TMEM179: variants seen among roughly 807,000 people sequenced by gnomAD.
TMEM179 encodes transmembrane protein 179A.
A neutral mutation model predicts 22.2 loss-of-function variants in TMEM179; 17 were observed. The ratio of observed to expected loss-of-function variants is 0.77; its 90% confidence interval spans 0.52 to 1.15. The LOEUF (loss-of-function observed/expected upper bound fraction) is 1.15. Among genes scored for constraint, TMEM179 ranks in the 50% most tolerant of loss-of-function variants. The probability of loss-of-function intolerance (pLI) is 0.00; values close to 1 mark genes in which losing one functional copy is unlikely to be tolerated. For synonymous variants in TMEM179, 127 were observed against 140.5 expected, an observed-to-expected ratio of 0.90 and a Z score of 0.68; for missense variants, 265 against 313.6, an observed-to-expected ratio of 0.84 and a Z score of 1.17.
chr14:104,603,445 C>G (rs1267721511), intron 1 of TMEM179, among the ~76,000 whole-genome samples: 1 of 151,354 alleles, frequency 6.6e-6, no homozygotes, highest in Non-Finnish European at 1.5e-5. Flanking sequence ...GGATCTCGGG[C>G]TGCTCCTGGG....
intron 3 of TMEM179, chr14:104,594,381 G>C: frequency 2.4e-6 from 3 of 1,231,750 alleles, no homozygotes; most frequent in Non-Finnish European, 3.0e-6. Flanking sequence ...GCCAGCCTGG[G>C]GTCCGGAATT....
intron 2 of TMEM179, among the ~76,000 whole-genome samples, chr14:104,596,729 G>A (rs760532425): frequency 9.2e-5 from 14 of 152,162 alleles, no homozygotes; most frequent in African/African-American, 1.4e-4. Context: ...ACCCCCAGCT[G>A]TATCCAGCCC....
intron 1 of TMEM179, among the ~76,000 whole-genome samples, chr14:104,600,341 G>A (rs1182596107): frequency 6.6e-6 from 1 of 152,234 alleles, no homozygotes; most frequent in Non-Finnish European, 1.5e-5. Flanking sequence ...GCCAGGATGT[G>A]CCATCTCCAT....
In TMEM179 at chr14:104,590,897, G is replaced by C. The variant is rs916949049; in HGVS notation, c.*2582C>G. 1 of 159,498 alleles carries C rather than the reference G, an allele frequency of 6.3e-6. No homozygotes were observed. The highest frequency in any genetic ancestry group is 2.4e-5 in the African/African-American group (1 of 41,484). 9.9% of individuals were successfully genotyped at this position (159,498 alleles called of 1,614,324 possible). A position where few individuals can be genotyped will look rare whatever the true frequency, so the allele number is the denominator to read the frequency against. ...AGGATCTTTACTTTCAGTTTAGCCA[G>C]AGTGGAATTAGAACAGGGATATCAT... On this transcript the variant is annotated 3_prime_UTR_variant, in exon 4 of 4. Transcript: ENST00000556573.
At chr14:104,596,939 G>A (rs1596297504) in intron 2 of TMEM179, 51 bp downstream of exon 2, 3 of 1,581,148 alleles carry the variant, frequency 1.9e-6, no homozygotes, top group Admixed American at 1.7e-5. Flanking sequence ...AGGGTGTCAA[G>A]GGATCTTCCG....
rs531236270 is a variant in TMEM179, at chr14:104,600,603, C to A, written c.306-3476G>T. On this transcript the variant is annotated intron_variant, in intron 1 of 3. Transcript: ENST00000556573. ...TCATCCATTCATTCATTCATTCATT[C>A]ATTCATTTACTCATTCATTCATTCA... 4.6e-5 allele frequency among the ~76,000 whole-genome samples: 7 copies of A among 151,918 alleles called. No homozygotes were observed. In the East Asian group the frequency reaches 7.7e-4, roughly 17 times the overall value.
Position 104,595,134 on chromosome 14 carries a change from C to CA in TMEM179, c.522+30dup. ...AGTAAATGGCCCCCTCCCAGCATTG[C>CA]AAGCCTCCCTTCTTGCCCAGAGCCC... On this transcript the variant is annotated intron_variant, in intron 3 of 3. Transcript: ENST00000556573. This position sits in a 1 kb window ranked among gnomAD's most constrained non-coding sequence, Gnocchi z 5.7. 6.2e-7 allele frequency: 1 copy of CA among 1,613,484 alleles called. No individual in the cohort carries two copies. The highest frequency in any genetic ancestry group is 8.5e-7 in the Non-Finnish European group (1 of 1,179,832).
Position 104,604,769 on chromosome 14 carries a change from G to A in TMEM179, c.-28C>T, listed in dbSNP as rs1269486846. 3 of 1,475,930 alleles carry A rather than the reference G, an allele frequency of 2.0e-6. No homozygotes were observed. Among genetic ancestry groups the A allele is most frequent in the East Asian group, 2.9e-5 (1 of 34,650 alleles). 91.4% of individuals were successfully genotyped at this position (1,475,930 alleles called of 1,614,324 possible). ...CCGGCCCGGGCGAGAGCGGCGGCGGGAAGGCCGCGGGAGGCTGCGCCGGGC... is the reference window on the plus strand; with the variant it reads ...CCGGCCCGGGCGAGAGCGGCGGCGGAAAGGCCGCGGGAGGCTGCGCCGGGC... On this transcript the variant is annotated 5_prime_UTR_variant, in exon 1 of 4. Coordinates refer to ENST00000556573, the MANE Select transcript of TMEM179 (RefSeq NM_001286389.2). This position sits in a 1 kb window ranked among gnomAD's most constrained non-coding sequence, Gnocchi z 4.6.
At chr14:104,594,694 A>C in intron 3 of TMEM179, 3 of 1,176,718 alleles carry the variant, frequency 2.5e-6, no homozygotes, top group Non-Finnish European at 2.1e-6. Flanking sequence ...CTGAATTCAC[A>C]AGTGGGATCC....
chr14:104,597,217 A>G lies in TMEM179; in HGVS notation c.306-90T>C. On this transcript the variant is annotated intron_variant, in intron 1 of 3. Coordinates refer to ENST00000556573, the MANE Select transcript of TMEM179 (RefSeq NM_001286389.2). This position sits in a 1 kb window ranked among gnomAD's most constrained non-coding sequence, Gnocchi z 4.8. ...GGCTGCAGCCAGAAACAGGAGGGGC[A>G]GGCTCACTGGACGCCATCTCCTGGG... 6.7e-7 allele frequency: 1 copy of G among 1,482,814 alleles called. No individual in the cohort carries two copies. The highest frequency in any genetic ancestry group is 9.0e-7 in the Non-Finnish European group (1 of 1,115,346). The allele number at this position is 1,482,814 out of a possible 1,614,324, so 91.9% of individuals were successfully genotyped here.
Position 104,596,994 on chromosome 14 carries a change from G to A in TMEM179, c.439C>T (p.His147Tyr). The change falls in exon 2 of 4, where the codon CAC becomes TAC. Residue 147 changes from histidine (H) to tyrosine (Y), a missense_variant. By Grantham distance (83) the His-to-Tyr change is moderately conservative. Coordinates refer to ENST00000556573, the MANE Select transcript of TMEM179 (RefSeq NM_001286389.2). The stretch of plus-strand genomic sequence containing the variant: ...AGGCGGGTGGGGCGGGCGCACCTGT[G>A]GGGTACGGTGCCCTTCTCGGTGATG... Reference protein sequence around the residue: ...DTITEKGTVPHSCEELQDIDL... With the variant: ...DTITEKGTVPYSCEELQDIDL... 2 of 1,604,330 alleles carry A rather than the reference G, an allele frequency of 1.2e-6. No homozygotes were observed. Among genetic ancestry groups the A allele is most frequent in the Non-Finnish European group, 1.7e-6 (2 of 1,178,252 alleles).
At chr14:104,598,469 G>A (rs941364742) in intron 1 of TMEM179, among the ~76,000 whole-genome samples, 6 of 152,228 alleles carry the variant, frequency 3.9e-5, no homozygotes, top group African/African-American at 7.2e-5. Flanking sequence ...AAACATCAAC[G>A]CTACCGTCAT....
At chr14:104,602,609 A>G (rs1453730574) in intron 1 of TMEM179, among the ~76,000 whole-genome samples, 1 of 152,248 alleles carries the variant, frequency 6.6e-6, no homozygotes, top group Non-Finnish European at 1.5e-5. Context: ...GGGTTTGGCA[A>G]CATGGGTGCA....
chr14:104,597,270 C>G lies in TMEM179; in HGVS notation c.306-143G>C. On this transcript the variant is annotated intron_variant, in intron 1 of 3. Coordinates refer to ENST00000556573, the MANE Select transcript of TMEM179 (RefSeq NM_001286389.2). The surrounding 1 kb of genome is among the most constrained non-coding windows in gnomAD (Gnocchi z 4.8). ...ACCCCCACCAGCAGCACCCCCCGGA[C>G]CCTCAGGATTCCTGGGTTGGGCCCT... 8.4e-7 allele frequency: 1 copy of G among 1,193,506 alleles called. No individual in the cohort carries two copies. Among genetic ancestry groups the G allele is most frequent in the Non-Finnish European group, 1.1e-6 (1 of 874,826 alleles). 73.9% of individuals were successfully genotyped at this position (1,193,506 alleles called of 1,614,324 possible).
intron 1 of TMEM179, among the ~76,000 whole-genome samples, chr14:104,603,660 G>T (rs1887319235): frequency 6.8e-6 from 1 of 148,106 alleles, no homozygotes; most frequent in Non-Finnish European, 1.5e-5. Flanking sequence ...GAGAGGGTGG[G>T]TTCACAGAGG....
intron 1 of TMEM179, among the ~76,000 whole-genome samples, chr14:104,601,165 G>A (rs141364008): frequency 1.0e-3 from 154 of 152,316 alleles, no homozygotes; most frequent in African/African-American, 3.6e-3. Context: ...GTTGGAATTG[G>A]CTGCTCTGTC....
In TMEM179 at chr14:104,604,752, G is replaced by T; in HGVS notation, c.-11C>A. 1 of 1,519,140 alleles carries T rather than the reference G, an allele frequency of 6.6e-7. No homozygotes were observed. The highest frequency in any genetic ancestry group is 8.8e-7 in the Non-Finnish European group (1 of 1,138,152). 94.1% of individuals were successfully genotyped at this position (1,519,140 alleles called of 1,614,324 possible). Reference sequence around the variant, plus strand: ...ATTGTTGAGCGCCATGGCCGGCCCGGGCGAGAGCGGCGGCGGGAAGGCCGC... The same window carrying T: ...ATTGTTGAGCGCCATGGCCGGCCCGTGCGAGAGCGGCGGCGGGAAGGCCGC... On this transcript the variant is annotated 5_prime_UTR_variant, in exon 1 of 4. Transcript: ENST00000556573. This position sits in a 1 kb window ranked among gnomAD's most constrained non-coding sequence, Gnocchi z 4.6.
intron 1 of TMEM179, among the ~76,000 whole-genome samples, chr14:104,598,589 G>T (rs1186274798): frequency 6.6e-6 from 1 of 152,254 alleles, no homozygotes; most frequent in African/African-American, 2.4e-5. Context: ...GACACAGAGG[G>T]CAGAGTGATA....
At chr14:104,598,482 G>A (rs1887118373) in intron 1 of TMEM179, among the ~76,000 whole-genome samples, 2 of 152,218 alleles carry the variant, frequency 1.3e-5, no homozygotes, top group South Asian at 4.1e-4. Context: ...ACCGTCATCC[G>A]AACTCGGCAG....
Sources: gnomAD v4.1 joint callset for allele counts (sites outside exome capture counted in the v4.1 genomes callset) on GRCh38, gnomAD v4.1.1 for gene constraint, Gnocchi (gnomAD v3.1) non-coding constraint, MANE v1.5 for transcripts, NCBI Gene and HGNC (gene_info 2026-07-23, HGNC 2026-07-21) for gene names.